The following MIR2052HG variants were observed in gnomAD, a reference collection of about 807,000 sequenced individuals.
The protein encoded by MIR2052HG is MIR2052 host gene.
At chr8:74,602,843 T>TTCTTTCTTTCTTTCTTTCTTTCTTTC (rs1808032223) in intron 1 of MIR2052HG, among the ~76,000 whole-genome samples, 3 of 141,304 alleles carry the variant, frequency 2.1e-5, no homozygotes, top group Non-Finnish European at 4.6e-5. Flanking sequence ...CTTTCTTTCT[T>TTCTTTCTTTCTTTCTTTCTTTCTTTC]TCTTTCTTTC....
intron 2 of MIR2052HG, among the ~76,000 whole-genome samples, chr8:74,644,629 G>A (rs1480591904): frequency 3.9e-5 from 6 of 152,116 alleles, no homozygotes; most frequent in African/African-American, 1.2e-4. Context: ...AGTGGCTCAC[G>A]CCTACAATCC....
At chr8:74,632,324 C>T (rs1318969344) in intron 2 of MIR2052HG, 1 of 152,184 alleles carries the variant, frequency 6.6e-6, no homozygotes, top group Non-Finnish European at 1.5e-5. Context: ...CAGGGTGCCA[C>T]CAGCAGGATG....
At chr8:74,674,544 C>T (rs1054682938) in intron 2 of MIR2052HG, among the ~76,000 whole-genome samples, 1 of 151,800 alleles carries the variant, frequency 6.6e-6, no homozygotes, top group South Asian at 2.1e-4. Flanking sequence ...TTCATTTTTC[C>T]TACCAAAAAA....
At chr8:74,708,510 A>G (rs574404907) in intron 4 of MIR2052HG, among the ~76,000 whole-genome samples, 28 of 152,224 alleles carry the variant, frequency 1.8e-4, no homozygotes, top group African/African-American at 3.4e-4. Flanking sequence ...TCTGGATTGT[A>G]GAATATTGAC....
chr8:74,756,319 G>T (rs889422539), intron 5 of MIR2052HG, among the ~76,000 whole-genome samples: 1 of 152,150 alleles, frequency 6.6e-6, no homozygotes, highest in Non-Finnish European at 1.5e-5. Flanking sequence ...GTCTTTCAAG[G>T]TGACTGTCCC....
chr8:74,751,216 T>C (rs1336206295), intron 4 of MIR2052HG, among the ~76,000 whole-genome samples: 1 of 152,160 alleles, frequency 6.6e-6, no homozygotes, highest in Non-Finnish European at 1.5e-5. Flanking sequence ...TTTCAGCTCA[T>C]ACTATAAACA....
chr8:74,748,556 A>G (rs1173648410), intron 4 of MIR2052HG, among the ~76,000 whole-genome samples: 1 of 152,194 alleles, frequency 6.6e-6, no homozygotes, highest in East Asian at 1.9e-4. Context: ...TATGTTAAGT[A>G]TGGCTTTTTG....
intron 2 of MIR2052HG, among the ~76,000 whole-genome samples, chr8:74,696,207 C>G (rs1162947138): frequency 6.6e-6 from 1 of 152,026 alleles, no homozygotes; most frequent in Admixed American, 6.6e-5. Context: ...ATTAAATAAC[C>G]TGCTCCTGAA....
At chr8:74,629,136 T>A (rs186307933) in intron 2 of MIR2052HG, among the ~76,000 whole-genome samples, 382 of 152,308 alleles carry the variant, frequency 2.5e-3, no homozygotes, top group Non-Finnish European at 4.5e-3. Flanking sequence ...TACTCTTTCA[T>A]TAAAATATCA....
chr8:74,601,031 T>A (rs1215224703), intron 1 of MIR2052HG, among the ~76,000 whole-genome samples: 1 of 152,212 alleles, frequency 6.6e-6, no homozygotes, highest in African/African-American at 2.4e-5. Context: ...TTTTAAGAAC[T>A]TGTCATTTGA....
rs376981130 is a variant in MIR2052HG at position 74,666,208 on chromosome 8, CT to C, written n.217-36162del. The stretch of plus-strand genomic sequence containing the variant: ...TCCTGACCAGTATCCCTGGTTACCT[CT>C]TTTTTTTTCTCTTATAATCCGTTCC... On this transcript the variant is annotated intron_variant and non_coding_transcript_variant, in intron 2 of 6. Coordinates refer to ENST00000523442, the Ensembl canonical transcript of MIR2052HG. 8.6e-3 allele frequency among the ~76,000 whole-genome samples: 1,301 copies of C among 151,662 alleles called. 28 individuals carry two copies. The highest frequency in any genetic ancestry group is 0.03 in the African/African-American group (1,228 of 41,364).
intron 4 of MIR2052HG, among the ~76,000 whole-genome samples, chr8:74,721,623 G>A (rs1809579002): frequency 6.6e-6 from 1 of 152,178 alleles, no homozygotes; most frequent in African/African-American, 2.4e-5. Context: ...CAGAAGAATA[G>A]CCTTCTTACA....
At chr8:74,718,308 C>T (rs962375168) in intron 4 of MIR2052HG, among the ~76,000 whole-genome samples, 2 of 152,206 alleles carry the variant, frequency 1.3e-5, no homozygotes. Context: ...GACCAGATGA[C>T]AGGGGCCTTT....
intron 2 of MIR2052HG, among the ~76,000 whole-genome samples, chr8:74,620,149 C>A (rs1336469387): frequency 6.6e-6 from 1 of 152,196 alleles, no homozygotes; most frequent in African/African-American, 2.4e-5. Flanking sequence ...TGTCTCACAT[C>A]TAGGTTATGC....
intron 2 of MIR2052HG, among the ~76,000 whole-genome samples, chr8:74,659,056 G>A (rs1254004588): frequency 2.6e-5 from 4 of 152,212 alleles, no homozygotes; most frequent in Non-Finnish European, 5.9e-5. Flanking sequence ...ACTAGTGTCT[G>A]AAAGTTATGC....
intron 4 of MIR2052HG, among the ~76,000 whole-genome samples, chr8:74,733,164 C>T (rs188243795): frequency 6.6e-6 from 1 of 151,946 alleles, no homozygotes; most frequent in South Asian, 2.1e-4. Context: ...ATGTGCCATG[C>T]TGGTGCGCTG....
chr8:74,733,634 C>G (rs534602442), intron 4 of MIR2052HG, among the ~76,000 whole-genome samples: 1 of 142,688 alleles, frequency 7.0e-6, no homozygotes, highest in East Asian at 2.0e-4. Flanking sequence ...ATTTCTAGTT[C>G]TAGATCCCTG....
At chr8:74,696,688 C>T (rs1809299688) in intron 2 of MIR2052HG, among the ~76,000 whole-genome samples, 1 of 151,904 alleles carries the variant, frequency 6.6e-6, no homozygotes, top group African/African-American at 2.4e-5. Context: ...CTACTATGGA[C>T]ACCTCTAATT....
intron 2 of MIR2052HG, among the ~76,000 whole-genome samples, chr8:74,694,523 C>G (rs962456649): frequency 2.0e-5 from 3 of 152,060 alleles, no homozygotes; most frequent in African/African-American, 7.2e-5. Context: ...CTCTGAATTG[C>G]CAGAAAAAGA....
Sources: allele counts gnomAD v4.1 joint callset (sites outside exome capture counted in the v4.1 genomes callset), GRCh38; gene constraint gnomAD v4.1.1; transcripts MANE v1.5; gene names NCBI Gene and HGNC (gene_info 2026-07-23, HGNC 2026-07-21).